ZC3H14: variants seen among roughly 807,000 people sequenced by gnomAD.
The protein encoded by ZC3H14 is zinc finger CCCH-type containing 14.
ZC3H14 carries 31 observed loss-of-function variants against 92.4 expected under a neutral mutation model. The observed-to-expected ratio is 0.34, with a 90% CI of 0.25 to 0.45. The LOEUF is 0.45. ZC3H14 is among the 20% of genes least tolerant of loss of function. The probability of loss-of-function intolerance (pLI) is 1.00; values close to 1 mark genes in which losing one functional copy is unlikely to be tolerated. For synonymous variants in ZC3H14, 321 were observed against 300.9 expected (o/e 1.07, Z -0.69); for missense variants, 781 against 897.3 (o/e 0.87, Z 1.66).
intron 14 of ZC3H14, 56 bp downstream of exon 14, chr14:88,609,459 T>G: frequency 1.2e-6 from 2 of 1,611,212 alleles, no homozygotes; most frequent in African/African-American, 2.7e-5. Flanking sequence ...TGGCATTTTG[T>G]GACTGTAAAT....
At chr14:88,573,480 C>T (rs994115299) in intron 6 of ZC3H14, among the ~76,000 whole-genome samples, 1 of 152,158 alleles carries the variant, frequency 6.6e-6, no homozygotes, top group African/African-American at 2.4e-5. Context: ...GTTGCCCAGG[C>T]TGGAGTGTGA....
In ZC3H14 at chr14:88,622,448, G is replaced by A; in HGVS notation, c.*10697G>A. The A allele has an allele frequency of 1.9e-6, 1 of 528,494 alleles. No homozygotes were observed. The highest frequency in any genetic ancestry group is 3.1e-6 in the Non-Finnish European group (1 of 322,874). The allele number at this position is 528,494 out of a possible 1,614,324, so 32.7% of individuals were successfully genotyped here. A position where few individuals can be genotyped will look rare whatever the true frequency, so the allele number is the denominator to read the frequency against. The stretch of plus-strand genomic sequence containing the variant: ...TATGCACCACACTGGTGCTAACTTT[G>A]GCAAAGAAAGCAGCAAAGACAGAGT... On this transcript the variant is annotated 3_prime_UTR_variant, in exon 17 of 17. Coordinates refer to ENST00000251038, the MANE Select transcript of ZC3H14 (RefSeq NM_024824.5).
In ZC3H14 at chr14:88,620,853, G is replaced by C. The variant is rs1409398481; in HGVS notation, c.*9102G>C. The C allele has an allele frequency of 6.3e-7, 1 of 1,586,246 alleles. No individual in the cohort carries two copies. On this transcript the variant is annotated 3_prime_UTR_variant, in exon 17 of 17. Coordinates refer to ENST00000251038, the MANE Select transcript of ZC3H14 (RefSeq NM_024824.5). The surrounding 1 kb of genome is among the most constrained non-coding windows in gnomAD (Gnocchi z 4.3). ...AAATTCTCCATTTTTCATTCCAATA[G>C]CCACCATGTCCCCTTCAGGGCTGTA...
rs56144430 is a variant in ZC3H14, at chr14:88,622,013, G to C, written c.*10262G>C. 6 of 349,590 alleles carry C rather than the reference G, an allele frequency of 1.7e-5. No individual in the cohort carries two copies. Among genetic ancestry groups the C allele is most frequent in the Non-Finnish European group, 2.4e-5 (4 of 166,890 alleles). 21.7% of individuals were successfully genotyped at this position (349,590 alleles called of 1,614,324 possible). A position where few individuals can be genotyped will look rare whatever the true frequency, so the allele number is the denominator to read the frequency against. ...TGTGTAAACTTGTATCCTTTAACCA[G>C]TCCTTCCCTATCCCCCTCCCCCTCC... On this transcript the variant is annotated 3_prime_UTR_variant, in exon 17 of 17. Coordinates refer to ENST00000251038, the MANE Select transcript of ZC3H14 (RefSeq NM_024824.5).
intron 10 of ZC3H14, among the ~76,000 whole-genome samples, chr14:88,599,387 T>C (rs562263087): frequency 2.6e-5 from 4 of 152,344 alleles, no homozygotes; most frequent in African/African-American, 4.8e-5. Context: ...AAAACCCTTA[T>C]TGACATTTCT....
At chr14:88,611,614 C>G in intron 16 of ZC3H14, 131 bp from the exon 17 acceptor site, 1 of 972,888 alleles carries the variant, frequency 1.0e-6, no homozygotes, top group Admixed American at 2.4e-5. Flanking sequence ...TTTTAAAAAT[C>G]TGCCATTTAT....
At position 88,612,086 on chromosome 14, in the gene ZC3H14, T is replaced by C. The variant is rs914326551; in HGVS notation, c.*335T>C. On this transcript the variant is annotated 3_prime_UTR_variant, in exon 17 of 17. Coordinates refer to ENST00000251038, the MANE Select transcript of ZC3H14 (RefSeq NM_024824.5). ...TCATGGTTAGTCATGGTACTGCAGC[T>C]TAGGGGGCTACACGGTTGCTGTGTG... The C allele has an allele frequency of 6.3e-5, 21 of 333,006 alleles. No individual in the cohort carries two copies. The highest frequency in any genetic ancestry group is 1.1e-4 in the Non-Finnish European group (19 of 179,182). 20.6% of individuals were successfully genotyped at this position (333,006 alleles called of 1,614,324 possible).
intron 11 of ZC3H14, 146 bp from the exon 12 acceptor site, chr14:88,602,682 C>A: frequency 1.3e-6 from 1 of 792,792 alleles, no homozygotes; most frequent in Non-Finnish European, 2.1e-6. Context: ...CCCACCAGTG[C>A]TGCACCTGGT....
intron 9 of ZC3H14, among the ~76,000 whole-genome samples, chr14:88,582,116 C>T (rs763226816): frequency 4.6e-5 from 7 of 152,188 alleles, no homozygotes; most frequent in Non-Finnish European, 1.0e-4. Context: ...GATTTGCCAA[C>T]CTCTGATATA....
At chr14:88,580,534 A>G (rs1290624021) in intron 9 of ZC3H14, among the ~76,000 whole-genome samples, 1 of 85,270 alleles carries the variant, frequency 1.2e-5, no homozygotes, top group Non-Finnish European at 2.4e-5. Context: ...GATAAAAGAC[A>G]AGAACATTTT....
At chr14:88,580,779 A>G (rs1280518499) in intron 9 of ZC3H14, among the ~76,000 whole-genome samples, 1 of 152,236 alleles carries the variant, frequency 6.6e-6, no homozygotes, top group Non-Finnish European at 1.5e-5. Flanking sequence ...GATGTATTAT[A>G]TAATTAATGA....
chr14:88,596,740 A>G lies in ZC3H14; in HGVS notation c.1286A>G (p.Gln429Arg), dbSNP rs756271895. 6.2e-7 allele frequency: 1 copy of G among 1,613,922 alleles called. No individual in the cohort carries two copies. Among genetic ancestry groups the G allele is most frequent in the Non-Finnish European group, 8.5e-7 (1 of 1,179,848 alleles). Residue 429 changes from glutamine to arginine, a missense_variant, in exon 10 of 17, where the codon CAA becomes CGA. By Grantham distance (43) the Gln-to-Arg change is conservative. Transcript: ENST00000251038. ...GDSVEKNQGT[Q>R]QRQLLSRLQI... ...TTTAAAATTTATATTCTAGGAACTCAACAGAGGCAATTATTATCCCGACTG... is the reference window on the plus strand; with the variant it reads ...TTTAAAATTTATATTCTAGGAACTCGACAGAGGCAATTATTATCCCGACTG...
intron 9 of ZC3H14, among the ~76,000 whole-genome samples, chr14:88,582,227 T>C (rs1408927336): frequency 2.0e-5 from 3 of 152,230 alleles, no homozygotes; most frequent in Non-Finnish European, 4.4e-5. Flanking sequence ...CCAGTTGTTT[T>C]GTGCCTCTTG....
chr14:88,602,900 A>G lies in ZC3H14; in HGVS notation c.1587A>G (p.Pro529=). The G allele has an allele frequency of 6.2e-7, 1 of 1,614,142 alleles. No individual in the cohort carries two copies. Among genetic ancestry groups the G allele is most frequent in the Non-Finnish European group, 8.5e-7 (1 of 1,180,022 alleles). ...CGCTGGATGGTGTCCCCAGCCCCCC[A>G]GGATACATGTCAGATCAAGAGGAGG... The part of the protein sequence containing the change: ...IVTLDGVPSP[P]GYMSDQEEDM... Residue 529 remains proline (P), a synonymous_variant, in exon 12 of 17, where the codon CCA becomes CCG. Coordinates refer to ENST00000251038, the MANE Select transcript of ZC3H14 (RefSeq NM_024824.5).
In ZC3H14 at chr14:88,622,520, A is replaced by G; in HGVS notation, c.*10769A>G. ...CGTTATGCATTATTAAGTATTGTTC[A>G]TTAGGCTGCAAAGGGTGAGGGAATC... On this transcript the variant is annotated 3_prime_UTR_variant, in exon 17 of 17. Coordinates refer to ENST00000251038, the MANE Select transcript of ZC3H14 (RefSeq NM_024824.5). The G allele has an allele frequency of 9.1e-7, 1 of 1,094,922 alleles. No individual in the cohort carries two copies. Among genetic ancestry groups the G allele is most frequent in the Non-Finnish European group, 1.3e-6 (1 of 779,328 alleles). The allele number at this position is 1,094,922 out of a possible 1,614,324, so 67.8% of individuals were successfully genotyped here.
chr14:88,606,341 G>GGCT (rs1378358040), intron 12 of ZC3H14, among the ~76,000 whole-genome samples: 1 of 152,134 alleles, frequency 6.6e-6, no homozygotes, highest in Non-Finnish European at 1.5e-5. Flanking sequence ...TTGCTTTCCA[G>GGCT]GCTGCTGCTC....
rs1221738852 is a variant in ZC3H14 at position 88,623,438 on chromosome 14, T to C, written c.*11687T>C. The C allele has an allele frequency of 6.6e-6, 1 of 152,146 alleles. No individual in the cohort carries two copies. The highest frequency in any genetic ancestry group is 1.5e-5 in the Non-Finnish European group (1 of 68,036). 9.4% of individuals were successfully genotyped at this position (152,146 alleles called of 1,614,324 possible). A position where few individuals can be genotyped will look rare whatever the true frequency, so the allele number is the denominator to read the frequency against. On this transcript the variant is annotated 3_prime_UTR_variant, in exon 17 of 17. Transcript: ENST00000251038. ...TACAGAGTTGATTTATTTATTTTTT[T>C]GAGACAGAGTGTCGCTCTGTCACCT...
At chr14:88,577,042 T>G (rs967523372) in intron 8 of ZC3H14, among the ~76,000 whole-genome samples, 1 of 151,954 alleles carries the variant, frequency 6.6e-6, no homozygotes, top group Non-Finnish European at 1.5e-5. Flanking sequence ...ATCACCTGCC[T>G]CCTCGGCCTC....
chr14:88,619,298 C>A lies in ZC3H14; in HGVS notation c.*7547C>A, dbSNP rs1034592362. 4 of 152,572 alleles carry A rather than the reference C, an allele frequency of 2.6e-5. No individual in the cohort carries two copies. The highest frequency in any genetic ancestry group is 9.6e-5 in the African/African-American group (4 of 41,460). 9.5% of individuals were successfully genotyped at this position (152,572 alleles called of 1,614,324 possible). On this transcript the variant is annotated 3_prime_UTR_variant, in exon 17 of 17. Coordinates refer to ENST00000251038, the MANE Select transcript of ZC3H14 (RefSeq NM_024824.5). ...GAGAATCGCTTGAACCCAGGAGGCA[C>A]AGGTTGTGGTGAGCTGAGATTGCAC... is the stretch of plus-strand genomic sequence containing the variant.
Sources: gnomAD v4.1 joint callset for allele counts (sites outside exome capture counted in the v4.1 genomes callset) on GRCh38, gnomAD v4.1.1 for gene constraint, Gnocchi (gnomAD v3.1) non-coding constraint, MANE v1.5 for transcripts, NCBI Gene and HGNC (gene_info 2026-07-23, HGNC 2026-07-21) for gene names.